Variants in EXOC4 observed in about 807,000 individuals in gnomAD.
EXOC4 encodes the protein exocyst complex component 4, also known as SEC8-like 1.
EXOC4 carries 71 observed loss-of-function variants against 107.2 expected under a neutral mutation model. The observed-to-expected ratio is 0.66, with a 90% CI of 0.55 to 0.81. The LOEUF is 0.81. Among genes scored for constraint, EXOC4 ranks in the 30% least tolerant of loss-of-function variants. EXOC4 has a pLI of 0.00. For missense variants in EXOC4, 1,108 were observed against 1,189.6 expected, an observed-to-expected ratio of 0.93 and a Z score of 1.01; for synonymous variants, 456 against 441.2, an observed-to-expected ratio of 1.03 and a Z score of -0.42.
At chr7:133,452,147 A>G (rs1798362536) in intron 7 of EXOC4, among the ~76,000 whole-genome samples, 1 of 152,090 alleles carries the variant, frequency 6.6e-6, no homozygotes, top group Non-Finnish European at 1.5e-5. Context: ...AACTTTTTTC[A>G]TGGAAGGAAC....
chr7:133,990,826 G>T, intron 14 of EXOC4, among the ~76,000 whole-genome samples: 1 of 152,114 alleles, frequency 6.6e-6, no homozygotes, highest in East Asian at 1.9e-4. Context: ...CACCATTCAT[G>T]AATTGGTGGA....
chr7:133,606,269 A>G (rs1801943329), intron 9 of EXOC4, among the ~76,000 whole-genome samples: 1 of 151,988 alleles, frequency 6.6e-6, no homozygotes, highest in Non-Finnish European at 1.5e-5. Flanking sequence ...GCTACCACAG[A>G]GAGTCCAGGG....
At chr7:133,699,403 G>A (rs564334115) in intron 10 of EXOC4, among the ~76,000 whole-genome samples, 1 of 152,262 alleles carries the variant, frequency 6.6e-6, no homozygotes, top group Admixed American at 6.5e-5. Flanking sequence ...TAGCAGGGGA[G>A]CAATCCAGAA....
chr7:133,379,134 G>A (rs542351611), intron 7 of EXOC4, among the ~76,000 whole-genome samples: 2 of 152,036 alleles, frequency 1.3e-5, no homozygotes, highest in East Asian at 1.9e-4. Flanking sequence ...TTTTCTCTCT[G>A]TATATATGGA....
chr7:133,447,639 G>A, intron 7 of EXOC4, among the ~76,000 whole-genome samples: 1 of 151,954 alleles, frequency 6.6e-6, no homozygotes, highest in South Asian at 2.1e-4. Context: ...ATGTAGATAT[G>A]TATATTATAA....
chr7:133,354,965 C>T (rs751063164), intron 5 of EXOC4, among the ~76,000 whole-genome samples: 6 of 152,148 alleles, frequency 3.9e-5, no homozygotes, highest in Non-Finnish European at 7.4e-5. Context: ...ACTCTGCAGT[C>T]TTCCCAGAAT....
At chr7:133,744,785 C>A (rs971343125) in intron 10 of EXOC4, among the ~76,000 whole-genome samples, 5 of 152,162 alleles carry the variant, frequency 3.3e-5, no homozygotes, top group Admixed American at 2.6e-4. Flanking sequence ...AAGACTGTAC[C>A]GAGGCTCGCA....
intron 3 of EXOC4, among the ~76,000 whole-genome samples, chr7:133,297,268 C>G (rs1794540695): frequency 6.6e-6 from 1 of 152,100 alleles, no homozygotes; most frequent in Non-Finnish European, 1.5e-5. Context: ...AGTTAACTCA[C>G]TTAGTTTTTA....
intron 7 of EXOC4, chr7:133,447,341 A>C (rs1359705779): frequency 6.6e-6 from 1 of 151,744 alleles, no homozygotes; most frequent in Non-Finnish European, 1.5e-5. Context: ...ACATTGCTTC[A>C]CTCTCTTGTC....
intron 17 of EXOC4, among the ~76,000 whole-genome samples, chr7:134,014,797 A>T (rs1794863157): frequency 6.8e-6 from 1 of 147,480 alleles, no homozygotes; most frequent in South Asian, 2.1e-4. Flanking sequence ...GAAGGAGTTT[A>T]AAAAAAAAAG....
At chr7:133,470,250 AT>A (rs1166600758) in intron 7 of EXOC4, among the ~76,000 whole-genome samples, 1 of 152,230 alleles carries the variant, frequency 6.6e-6, no homozygotes, top group Non-Finnish European at 1.5e-5. Context: ...AAACCTCTGC[AT>A]GTATAACCAC....
At chr7:133,971,274 T>TA (rs142910568) in intron 14 of EXOC4, among the ~76,000 whole-genome samples, 28,454 of 141,864 alleles carry the variant, frequency 0.2, 3,912 homozygotes, top group East Asian at 0.44. Flanking sequence ...GTTGGTTTTT[T>TA]AAAAAAAATA....
the EXOC4 span, among the ~76,000 whole-genome samples, chr7:134,088,442 C>T: frequency 1.3e-5 from 2 of 152,098 alleles, no homozygotes; most frequent in Admixed American, 6.6e-5. Context: ...CTGTAAATAG[C>T]TTAAAAGAAT....
intron 13 of EXOC4, among the ~76,000 whole-genome samples, chr7:133,928,922 CTTTTTTTTTTTTTTTTTT>C (rs71162044): frequency 3.7e-5 from 3 of 82,016 alleles, no homozygotes; most frequent in Admixed American, 1.4e-4. Flanking sequence ...ACAGTAGTAC[CTTTTTTTTTTTTTTTTTT>C]TTTTTTTTTT....
intron 10 of EXOC4, among the ~76,000 whole-genome samples, chr7:133,711,412 T>C (rs947936183): frequency 6.6e-6 from 1 of 152,146 alleles, no homozygotes; most frequent in African/African-American, 2.4e-5. Flanking sequence ...ATGCACAAAC[T>C]GAAACCCACT....
intron 14 of EXOC4, among the ~76,000 whole-genome samples, chr7:133,977,966 G>A (rs571435485): frequency 6.6e-6 from 1 of 152,300 alleles, no homozygotes; most frequent in South Asian, 2.1e-4. Context: ...TTGACCAAAA[G>A]GTTTCTTTGT....
At chr7:133,684,502 A>C (rs895108633) in intron 10 of EXOC4, among the ~76,000 whole-genome samples, 12 of 152,124 alleles carry the variant, frequency 7.9e-5, no homozygotes, top group Non-Finnish European at 1.5e-4. Flanking sequence ...TGTGGGTTCT[A>C]TGTCTAAGAA....
intron 5 of EXOC4, among the ~76,000 whole-genome samples, chr7:133,327,600 C>G (rs1056960016): frequency 1.3e-5 from 2 of 152,164 alleles, no homozygotes; most frequent in African/African-American, 4.8e-5. Flanking sequence ...CCTCCAAACA[C>G]TGCTTTAAAT....
intron 9 of EXOC4, among the ~76,000 whole-genome samples, chr7:133,485,755 A>G (rs1377920085): frequency 6.6e-6 from 1 of 152,134 alleles, no homozygotes; most frequent in Non-Finnish European, 1.5e-5. Context: ...AACACATATG[A>G]TTCTATCTTT....
Sources: allele counts gnomAD v4.1 joint callset (sites outside exome capture counted in the v4.1 genomes callset), GRCh38; gene constraint gnomAD v4.1.1; transcripts MANE v1.5; gene names NCBI Gene and HGNC (gene_info 2026-07-23, HGNC 2026-07-21).